Variants in NEK1 observed in about 807,000 individuals in gnomAD.
NEK1 encodes serine/threonine-protein kinase Nek1.
Under a neutral mutation model 182.1 loss-of-function variants are expected in NEK1, and 137 were observed. The observed-to-expected ratio is 0.75, with a 90% CI of 0.65 to 0.87. NEK1 has a LOEUF of 0.87. NEK1 is among the 40% of genes least tolerant of loss of function. The pLI, the probability that NEK1 is intolerant of heterozygous loss-of-function variation, is 0.00. For synonymous variants in NEK1, 513 were observed against 492.2 expected (o/e 1.04, Z -0.56); for missense variants, 1,391 against 1,494.4 (o/e 0.93, Z 1.14).
intron 26 of NEK1, among the ~76,000 whole-genome samples, chr4:169,464,651 A>C (rs985827969): frequency 6.6e-6 from 1 of 152,158 alleles, no homozygotes; most frequent in Non-Finnish European, 1.5e-5. Flanking sequence ...TATGTGAAAA[A>C]ATAGAAAAAA....
At chr4:169,607,047 C>T (rs1337307416) in intron 2 of NEK1, among the ~76,000 whole-genome samples, 1 of 152,130 alleles carries the variant, frequency 6.6e-6, no homozygotes, top group South Asian at 2.1e-4. Context: ...AGAAGGAGTC[C>T]AAAAATCTAC....
intron 23 of NEK1, among the ~76,000 whole-genome samples, chr4:169,488,025 T>C (rs1364375930): frequency 1.1e-4 from 16 of 152,142 alleles, no homozygotes; most frequent in Admixed American, 1.0e-3. Flanking sequence ...GACATTTTTG[T>C]TTTTTTCTTG....
At chr4:169,395,831 T>G (rs1324817926) in intron 35 of NEK1, among the ~76,000 whole-genome samples, 1 of 152,172 alleles carries the variant, frequency 6.6e-6, no homozygotes, top group African/African-American at 2.4e-5. Context: ...TTCTTCCCGC[T>G]CATGGTTTTT....
intron 27 of NEK1, among the ~76,000 whole-genome samples, chr4:169,456,156 T>A (rs1048170290): frequency 3.3e-5 from 5 of 152,070 alleles, no homozygotes; most frequent in East Asian, 1.9e-4. Context: ...TTGAAAAAAA[T>A]TTTGAAACAA....
At chr4:169,550,098 G>A (rs572734195) in intron 18 of NEK1, among the ~76,000 whole-genome samples, 2 of 152,308 alleles carry the variant, frequency 1.3e-5, no homozygotes, top group African/African-American at 4.8e-5. Flanking sequence ...ATTCCCATGT[G>A]TTGTGGGAGG....
chr4:169,587,024 T>A (rs574908332), intron 9 of NEK1, among the ~76,000 whole-genome samples: 238 of 152,152 alleles, frequency 1.6e-3, no homozygotes, highest in Non-Finnish European at 2.6e-3. Context: ...AAACTGCTTT[T>A]TTAAGATTAA....
chr4:169,559,120 G>A (rs1336092323), intron 16 of NEK1, among the ~76,000 whole-genome samples: 1 of 152,126 alleles, frequency 6.6e-6, no homozygotes, highest in African/African-American at 2.4e-5. Flanking sequence ...AATCTATTCA[G>A]TACACAGTAT....
At chr4:169,430,266 T>C (rs1002669123) in intron 29 of NEK1, among the ~76,000 whole-genome samples, 5 of 152,182 alleles carry the variant, frequency 3.3e-5, no homozygotes, top group Non-Finnish European at 7.4e-5. Context: ...CACCGCAACC[T>C]CTACCATTGG....
chr4:169,478,542 G>A (rs1340400677), intron 24 of NEK1, among the ~76,000 whole-genome samples: 2 of 152,086 alleles, frequency 1.3e-5, no homozygotes, highest in African/African-American at 4.8e-5. Context: ...TTTCTTACAT[G>A]AAGTTCTTGA....
chr4:169,589,778 G>A (rs1024052411), intron 6 of NEK1, among the ~76,000 whole-genome samples: 1 of 152,046 alleles, frequency 6.6e-6, no homozygotes, highest in African/African-American at 2.4e-5. Flanking sequence ...CATTGGGCTA[G>A]GGAATGGTTT....
chr4:169,451,547 A>C (rs1741780394), intron 27 of NEK1, among the ~76,000 whole-genome samples: 1 of 152,210 alleles, frequency 6.6e-6, no homozygotes, highest in Non-Finnish European at 1.5e-5. Flanking sequence ...CTGGGTAAAT[A>C]AAAAAATGAA....
In NEK1 at chr4:169,400,534, T is replaced by C. The variant is rs1291143831; in HGVS notation, c.3701A>G (p.Tyr1234Cys). ...EMGFEKFFEV[Y>C]EKIKAIHEDE... ...CTTTTCACTTACCTTTATTTTCTCATAAACCTCAAAGAATTTTTCAAAGCC... is the reference window on the plus strand; with the variant it reads ...CTTTTCACTTACCTTTATTTTCTCACAAACCTCAAAGAATTTTTCAAAGCC... Residue 1234 changes from tyrosine (Y) to cysteine (C), a missense_variant, in exon 34 of 36, where the codon TAT (tyrosine) becomes TGT (cysteine). Tyr to Cys is a radical substitution (Grantham distance 194, BLOSUM62 -2). This residue lies in a region of NEK1 where 1,216 missense variants were observed against 1,277.6 expected (regional missense o/e 0.95). Coordinates refer to ENST00000507142, the MANE Select transcript of NEK1 (RefSeq NM_001199397.3). 6.2e-7 allele frequency: 1 copy of C among 1,601,934 alleles called. No homozygotes were observed. The highest frequency in any genetic ancestry group is 1.3e-5 in the African/African-American group (1 of 74,460).
intron 26 of NEK1, among the ~76,000 whole-genome samples, chr4:169,473,963 A>T (rs1189711634): frequency 6.6e-6 from 1 of 152,204 alleles, no homozygotes; most frequent in Non-Finnish European, 1.5e-5. Context: ...TGGTTGAAGT[A>T]GATTAAGGGA....
intron 23 of NEK1, among the ~76,000 whole-genome samples, chr4:169,502,338 T>G (rs548898310): frequency 6.6e-6 from 1 of 151,742 alleles, no homozygotes; most frequent in Admixed American, 6.6e-5. Context: ...ACTGAAATTA[T>G]TGAAAATAAA....
chr4:169,486,341 A>G (rs1018571580), intron 23 of NEK1, among the ~76,000 whole-genome samples: 5 of 152,214 alleles, frequency 3.3e-5, no homozygotes, highest in Non-Finnish European at 7.3e-5. Context: ...CAGTGCCACC[A>G]AATGACGAAA....
rs116814666 is a variant in NEK1, at chr4:169,523,345, A to G, written c.1665+14464T>C. On this transcript the variant is annotated intron_variant, in intron 19 of 35. Coordinates refer to ENST00000507142, the MANE Select transcript of NEK1 (RefSeq NM_001199397.3). The stretch of plus-strand genomic sequence containing the variant: ...ATAGGATGTTTCACAAGTTAAAATG[A>G]GGTCATCAGAATAGGTCCTAATTCA... Among the ~76,000 whole-genome samples the G allele has an allele frequency of 7.3e-4, 111 of 152,328 alleles. 1 individual carries two copies. Among genetic ancestry groups the G allele is most frequent in the African/African-American group, 1.1e-3 (46 of 41,572 alleles).
At chr4:169,490,329 TA>T (rs1438292872) in intron 23 of NEK1, among the ~76,000 whole-genome samples, 3 of 151,962 alleles carry the variant, frequency 2.0e-5, no homozygotes, top group Non-Finnish European at 4.4e-5. Flanking sequence ...CATCTATAGG[TA>T]AAATCATCCC....
rs1354820606 is a variant in NEK1, at chr4:169,400,538, C to A, written c.3697G>T (p.Val1233Phe). 1.2e-6 allele frequency: 2 copies of A among 1,603,156 alleles called. No individual in the cohort carries two copies. Among genetic ancestry groups the A allele is most frequent in the African/African-American group, 2.7e-5 (2 of 74,508 alleles). ...QEMGFEKFFE[V>F]YEKIKAIHED... ...TCACTTACCTTTATTTTCTCATAAA[C>A]CTCAAAGAATTTTTCAAAGCCCATT... Residue 1233 changes from valine (V) to phenylalanine (F), a missense_variant, in exon 34 of 36, where the codon GTT becomes TTT. Physicochemically the swap from Val to Phe is conservative, Grantham distance 50. Around this residue, in one of 5 missense-constraint regions of NEK1, gnomAD observed 1,216 missense variants for 1,277.6 expected, o/e 0.95. Transcript: ENST00000507142.
intron 17 of NEK1, 29 bp downstream of exon 17, chr4:169,555,903 T>C (rs763069985): frequency 1.2e-6 from 2 of 1,613,376 alleles, no homozygotes; most frequent in Non-Finnish European, 1.7e-6. Context: ...AAGCAAAGCA[T>C]AAGCAACTTC....
Sources: gnomAD v4.1 joint callset for allele counts (sites outside exome capture counted in the v4.1 genomes callset) on GRCh38, gnomAD v4.1.1 for gene constraint, gnomAD v4.1.1 regional missense constraint, MANE v1.5 for transcripts, NCBI Gene and HGNC (gene_info 2026-07-23, HGNC 2026-07-21) for gene names.